Variants in CCSER1 observed in about 807,000 individuals in gnomAD.
CCSER1 encodes the protein serine-rich coiled-coil domain-containing protein 1.
CCSER1 carries 41 observed loss-of-function variants against 82.0 expected under a neutral mutation model. That is an observed-to-expected ratio of 0.50 (90% CI 0.39 to 0.65). The LOEUF (loss-of-function observed/expected upper bound fraction) is 0.65, where lower values mean the gene tolerates loss of function less well. CCSER1 is among the 30% of genes least tolerant of loss of function. The pLI, the probability that CCSER1 is intolerant of heterozygous loss-of-function variation, is 0.00. For synonymous variants in CCSER1, 414 were observed against 383.9 expected (o/e 1.08, Z -0.92); for missense variants, 1,119 against 1,064.2 (o/e 1.05, Z -0.72).
At chr4:91,589,405 C>T (rs1034896162) in intron 10 of CCSER1, among the ~76,000 whole-genome samples, 1 of 151,784 alleles carries the variant, frequency 6.6e-6, no homozygotes, top group Non-Finnish European at 1.5e-5. Flanking sequence ...AGAATTTCTA[C>T]CACATAAAGC....
At chr4:90,405,893 A>G (rs552119639) in intron 4 of CCSER1, among the ~76,000 whole-genome samples, 1 of 152,240 alleles carries the variant, frequency 6.6e-6, no homozygotes, top group South Asian at 2.1e-4. Context: ...TTCAAAATAC[A>G]CCAAAAGAGA....
chr4:91,427,419 G>T (rs1305437542), intron 10 of CCSER1, among the ~76,000 whole-genome samples: 1 of 152,046 alleles, frequency 6.6e-6, no homozygotes, highest in Non-Finnish European at 1.5e-5. Flanking sequence ...TTACAAACTT[G>T]TACGATCATG....
intron 10 of CCSER1, among the ~76,000 whole-genome samples, chr4:91,255,487 A>G (rs1740613229): frequency 6.6e-6 from 1 of 152,174 alleles, no homozygotes; most frequent in African/African-American, 2.4e-5. Flanking sequence ...GAGCAAATCC[A>G]TCACCCTTGT....
intron 10 of CCSER1, among the ~76,000 whole-genome samples, chr4:91,335,043 A>G (rs1331099753): frequency 6.6e-6 from 1 of 152,058 alleles, no homozygotes; most frequent in African/African-American, 2.4e-5. Flanking sequence ...TCTGAGTAAA[A>G]TTAATATCTA....
intron 10 of CCSER1, among the ~76,000 whole-genome samples, chr4:91,538,244 G>T (rs1157513891): frequency 6.6e-6 from 1 of 151,864 alleles, no homozygotes; most frequent in Non-Finnish European, 1.5e-5. Context: ...AAATAATTTT[G>T]TTACTTAACT....
chr4:90,998,453 T>G (rs984366174), intron 9 of CCSER1, among the ~76,000 whole-genome samples: 4 of 152,188 alleles, frequency 2.6e-5, no homozygotes, highest in African/African-American at 9.7e-5. Flanking sequence ...TTACACAACT[T>G]TTTCCCAATA....
chr4:90,929,763 G>C (rs570484360), intron 9 of CCSER1, among the ~76,000 whole-genome samples: 2 of 152,278 alleles, frequency 1.3e-5, no homozygotes, highest in African/African-American at 4.8e-5. Context: ...GCTGGTCCAA[G>C]GTTATAAAGC....
At chr4:91,088,578 A>T (rs543933978) in intron 10 of CCSER1, among the ~76,000 whole-genome samples, 2 of 152,328 alleles carry the variant, frequency 1.3e-5, no homozygotes, top group African/African-American at 4.8e-5. Context: ...ATTGTGAAAT[A>T]TACAAAAATA....
chr4:90,836,852 A>G (rs1761868395), intron 8 of CCSER1, among the ~76,000 whole-genome samples: 1 of 152,262 alleles, frequency 6.6e-6, no homozygotes, highest in African/African-American at 2.4e-5. Flanking sequence ...GGTCTAGACC[A>G]TCGCAACAAA....
chr4:90,674,727 A>G (rs759970279), intron 6 of CCSER1, among the ~76,000 whole-genome samples: 1 of 151,828 alleles, frequency 6.6e-6, no homozygotes, highest in Non-Finnish European at 1.5e-5. Context: ...ATGCCCTTTG[A>G]CAATGTCTCT....
At chr4:91,540,525 T>C (rs1404057678) in intron 10 of CCSER1, among the ~76,000 whole-genome samples, 2 of 152,162 alleles carry the variant, frequency 1.3e-5, no homozygotes, top group Non-Finnish European at 2.9e-5. Flanking sequence ...TCTCTTGATA[T>C]TGTCTTTTGC....
chr4:91,408,263 G>A (rs1227105339), intron 10 of CCSER1, among the ~76,000 whole-genome samples: 1 of 152,174 alleles, frequency 6.6e-6, no homozygotes, highest in African/African-American at 2.4e-5. Flanking sequence ...TATGGATACA[G>A]AGACAAATAT....
At chr4:91,381,629 C>G (rs1750903125) in intron 10 of CCSER1, among the ~76,000 whole-genome samples, 1 of 152,152 alleles carries the variant, frequency 6.6e-6, no homozygotes, top group Non-Finnish European at 1.5e-5. Flanking sequence ...ACTGATTATT[C>G]TAGTTAGCCA....
chr4:90,277,237 C>T (rs1386561724), intron 1 of CCSER1, among the ~76,000 whole-genome samples: 1 of 152,030 alleles, frequency 6.6e-6, no homozygotes, highest in Non-Finnish European at 1.5e-5. Context: ...TCATACTGCC[C>T]AGAGCAATTT....
intron 3 of CCSER1, among the ~76,000 whole-genome samples, chr4:90,392,146 A>G (rs1751278503): frequency 6.6e-6 from 1 of 151,956 alleles, no homozygotes. Context: ...GAATTTTTAA[A>G]CTAACAGCAG....
chr4:90,164,486 T>TA (rs1344866829), intron 1 of CCSER1, among the ~76,000 whole-genome samples: 1 of 152,116 alleles, frequency 6.6e-6, no homozygotes, highest in African/African-American at 2.4e-5. Flanking sequence ...TCTTTTTTGA[T>TA]AGTCAGGATA....
chr4:91,006,484 CT>C (rs1315896502), intron 9 of CCSER1, among the ~76,000 whole-genome samples: 3 of 147,202 alleles, frequency 2.0e-5, no homozygotes, highest in Non-Finnish European at 3.0e-5. Context: ...CCTTTTATTT[CT>C]TTTTTTCTTT....
In CCSER1 at chr4:91,010,498, G is replaced by C. The variant is rs1475999058; in HGVS notation, c.2173-75452G>C. Among the ~76,000 whole-genome samples the C allele has an allele frequency of 2.3e-5, 2 of 88,532 alleles. 1 individual carries two copies. The highest frequency in any genetic ancestry group is 6.4e-5 in the Non-Finnish European group (2 of 31,214). 58.1% of individuals were successfully genotyped at this position (88,532 alleles called of 152,430 possible). ...TTCTAGCAATTACAGCATTAACTAA[G>C]CTTACTGCCCCATTTTTGACGCTTT... On this transcript the variant is annotated intron_variant, in intron 9 of 10. Transcript: ENST00000509176.
intron 5 of CCSER1, among the ~76,000 whole-genome samples, chr4:90,559,382 A>C (rs995265613): frequency 6.6e-6 from 1 of 152,186 alleles, no homozygotes; most frequent in Admixed American, 6.5e-5. Context: ...TGCAAAGCAC[A>C]TCCAACAAAG....
Sources: gnomAD v4.1 joint callset for allele counts (sites outside exome capture counted in the v4.1 genomes callset) on GRCh38, gnomAD v4.1.1 for gene constraint, MANE v1.5 for transcripts, NCBI Gene and HGNC (gene_info 2026-07-23, HGNC 2026-07-21) for gene names.